The following INHBA variants were observed in gnomAD, a reference collection of about 807,000 sequenced individuals.
The protein encoded by INHBA is inhibin beta A chain.
INHBA carries 1 observed loss-of-function variant against 29.0 expected under a neutral mutation model. The observed-to-expected ratio is 0.03, with a 90% CI of 0.01 to 0.16. The LOEUF is 0.16. Among genes scored for constraint, INHBA ranks in the 10% least tolerant of loss-of-function variants. INHBA has a pLI of 1.00. For synonymous variants in INHBA, 242 were observed against 216.8 expected (o/e 1.12, Z -1.02); for missense variants, 376 against 545.4 (o/e 0.69, Z 3.09).
chr7:41,693,638 A>G (rs1794571077), intron 2 of INHBA, among the ~76,000 whole-genome samples: 1 of 152,170 alleles, frequency 6.6e-6, no homozygotes, highest in Admixed American at 6.5e-5. Flanking sequence ...GATTGTACAA[A>G]GAGAGTACTC....
chr7:41,704,611 AGTGTGTGTGTGTGTGTGTGTGTGTGTGT>A (rs60031309), upstream of INHBA, among the ~76,000 whole-genome samples: 1 of 101,226 alleles, frequency 9.9e-6, no homozygotes, highest in Admixed American at 9.7e-5. Flanking sequence ...CACACAAAGT[AGTGTGTGTGTGTGTGTGTGTGTGTGTGT>A]GTGTGTGTGT....
In INHBA at chr7:41,689,056, A is replaced by C. The variant is rs115124068; in HGVS notation, c.*594T>G. On this transcript the variant is annotated 3_prime_UTR_variant, in exon 3 of 3. Transcript: ENST00000242208. ...AAGGAAGTGTGACCACCTGCACACGATTGTTCTTTTACCAGTATGTGTATA... is the reference window on the plus strand; with the variant it reads ...AAGGAAGTGTGACCACCTGCACACGCTTGTTCTTTTACCAGTATGTGTATA... 591 of 232,176 alleles carry C rather than the reference A, an allele frequency of 2.5e-3. 4 individuals carry two copies. The highest frequency in any genetic ancestry group is 0.011 in the African/African-American group (497 of 44,690). 14.4% of individuals were successfully genotyped at this position (232,176 alleles called of 1,614,324 possible). A position where few individuals can be genotyped will look rare whatever the true frequency, so the allele number is the denominator to read the frequency against.
rs1794454570 is a variant in INHBA, at chr7:41,689,550, T to C, written c.*100A>G. The C allele has an allele frequency of 1.1e-6, 1 of 927,708 alleles. No homozygotes were observed. Among genetic ancestry groups the C allele is most frequent in the East Asian group, 2.9e-5 (1 of 34,004 alleles). 57.5% of individuals were successfully genotyped at this position (927,708 alleles called of 1,614,324 possible). ...TTTTTTTTTTGTTTTGTTTTTAATT[T>C]CTATTTTTCTGGTTAACTCAGAAAC... On this transcript the variant is annotated 3_prime_UTR_variant, in exon 3 of 3. Transcript: ENST00000242208.
intron 2 of INHBA, among the ~76,000 whole-genome samples, chr7:41,697,456 G>A (rs953801027): frequency 6.6e-6 from 1 of 152,080 alleles, no homozygotes; most frequent in African/African-American, 2.4e-5. Context: ...GCTTTTGGAG[G>A]CTCTCTACTT....
At chr7:41,695,051 CT>C (rs1562568144) in intron 2 of INHBA, among the ~76,000 whole-genome samples, 1 of 152,200 alleles carries the variant, frequency 6.6e-6, no homozygotes, top group Non-Finnish European at 1.5e-5. Flanking sequence ...TTCCCTCCCC[CT>C]ACACTAAGAT....
chr7:41,697,787 A>G (rs1040891773), intron 2 of INHBA, among the ~76,000 whole-genome samples: 3 of 152,254 alleles, frequency 2.0e-5, no homozygotes, highest in Non-Finnish European at 4.4e-5. Context: ...CATTTGGATG[A>G]TAAATGTCTT....
chr7:41,694,085 G>T (rs1404414723), intron 2 of INHBA: 1 of 152,186 alleles, frequency 6.6e-6, no homozygotes, highest in Non-Finnish European at 1.5e-5. Context: ...TACCTTATAT[G>T]CAGGTACATT....
At position 41,690,268 on chromosome 7, in the gene INHBA, G is replaced by A. The variant is rs776370904; in HGVS notation, c.663C>T (p.Phe221=). 1 of 1,614,056 alleles carries A rather than the reference G, an allele frequency of 6.2e-7. No homozygotes were observed. The highest frequency in any genetic ancestry group is 1.7e-5 in the Admixed American group (1 of 60,006). Residue 221 remains phenylalanine, a synonymous_variant, in exon 3 of 3, where the codon TTC becomes TTT. Coordinates refer to ENST00000242208, the MANE Select transcript of INHBA (RefSeq NM_002192.4). ...ACCGCTGGATGCTGCTGGAGACAGG[G>A]AAGACATGCCAGGTGCTCTTCCGAG... ...VDARKSTWHV[F]PVSSSIQRLL...
chr7:41,702,991 T>C lies in INHBA; in HGVS notation c.-144+14A>G, dbSNP rs990533873. 1 of 152,134 alleles carries C rather than the reference T, an allele frequency of 6.6e-6. No individual in the cohort carries two copies. The highest frequency in any genetic ancestry group is 1.5e-5 in the Non-Finnish European group (1 of 68,014). The allele number at this position is 152,134 out of a possible 1,614,324, so 9.4% of individuals were successfully genotyped here. Reference sequence around the variant, plus strand: ...TGTGTAAAGAGCTCAGAAGTAAGAGTTAAAAAGCATTACCTTTCTGGTCCC... The same window carrying C: ...TGTGTAAAGAGCTCAGAAGTAAGAGCTAAAAAGCATTACCTTTCTGGTCCC... On this transcript the variant is annotated intron_variant, in intron 1 of 2. Coordinates refer to ENST00000242208, the MANE Select transcript of INHBA (RefSeq NM_002192.4).
chr7:41,701,707 T>C (rs377751104), intron 1 of INHBA, among the ~76,000 whole-genome samples: 9 of 152,176 alleles, frequency 5.9e-5, no homozygotes, highest in African/African-American at 2.2e-4. Context: ...CATCCTTTTA[T>C]AAAAAGAGTG....
upstream of INHBA, among the ~76,000 whole-genome samples, chr7:41,703,851 C>T (rs995630504): frequency 2.0e-5 from 3 of 151,874 alleles, no homozygotes; most frequent in Non-Finnish European, 2.9e-5. Context: ...ACTTCAACTC[C>T]TATAATTTCT....
rs1794477676 is a variant in INHBA, at chr7:41,690,472, T to C, written c.459A>G (p.Ala153=). The C allele has an allele frequency of 2.5e-6, 4 of 1,613,828 alleles. No homozygotes were observed. The highest frequency in any genetic ancestry group is 1.7e-5 in the Admixed American group (1 of 60,004). ...EGSDLSVVER[A]EVWLFLKVPK... Reference sequence around the variant, plus strand: ...GGACTTTTAGGAAGAGCCAGACTTCTGCACGCTCCACCACTGACAGGTCAC... The same window carrying C: ...GGACTTTTAGGAAGAGCCAGACTTCCGCACGCTCCACCACTGACAGGTCAC... The change falls in exon 3 of 3, where the codon GCA becomes GCG. Residue 153 remains alanine (A), a synonymous_variant. Coordinates refer to ENST00000242208, the MANE Select transcript of INHBA (RefSeq NM_002192.4).
chr7:41,687,462 T>C lies in INHBA; in HGVS notation c.*2188A>G, dbSNP rs1168563996. 6.6e-6 allele frequency: 1 copy of C among 152,210 alleles called. No individual in the cohort carries two copies. The highest frequency in any genetic ancestry group is 1.5e-5 in the Non-Finnish European group (1 of 68,028). 9.4% of individuals were successfully genotyped at this position (152,210 alleles called of 1,614,324 possible). A position where few individuals can be genotyped will look rare whatever the true frequency, so the allele number is the denominator to read the frequency against. On this transcript the variant is annotated 3_prime_UTR_variant, in exon 3 of 3. Coordinates refer to ENST00000242208, the MANE Select transcript of INHBA (RefSeq NM_002192.4). ...TTTTCAAAAGCACATACATGAATAA[T>C]TTATTAGCTATTCCAGGCAAGCTAA...
rs111379520 is a variant in INHBA at position 41,690,335 on chromosome 7, C to T, written c.596G>A (p.Gly199Glu). 2 of 1,613,954 alleles carry T rather than the reference C, an allele frequency of 1.2e-6. No homozygotes were observed. Among genetic ancestry groups the T allele is most frequent in the Non-Finnish European group, 1.7e-6 (2 of 1,180,024 alleles). ...AGAGAGCAACAGTTCACTCCTCTCC[C>T]CCTTTAAGCCCACTTCCTCGGCCTC... ...GEEAEEVGLK[G>E]ERSELLLSEK... Residue 199 changes from glycine to glutamate, a missense_variant, in exon 3 of 3, where the codon GGG becomes GAG. Gly to Glu is a moderately conservative substitution (Grantham distance 98). This residue lies in a region of INHBA where 253 missense variants were observed against 313.4 expected (regional missense o/e 0.81). Coordinates refer to ENST00000242208, the MANE Select transcript of INHBA (RefSeq NM_002192.4).
upstream of INHBA, among the ~76,000 whole-genome samples, chr7:41,703,280 G>A (rs1794834768): frequency 6.6e-6 from 1 of 152,112 alleles, no homozygotes; most frequent in Non-Finnish European, 1.5e-5. Context: ...GACACTACTG[G>A]GTGATGCACT....
Position 41,700,046 on chromosome 7 carries a change from C to T in INHBA, c.329G>A (p.Arg110Lys). 10 of 1,608,290 alleles carry T rather than the reference C, an allele frequency of 6.2e-6. No individual in the cohort carries two copies. The highest frequency in any genetic ancestry group is 8.5e-6 in the Non-Finnish European group (10 of 1,176,920). The change falls in exon 2 of 3, where the codon AGG (arginine) becomes AAG (lysine). Residue 110 changes from arginine (R) to lysine (K), a missense_variant. Coordinates refer to ENST00000242208, the MANE Select transcript of INHBA (RefSeq NM_002192.4). Reference protein sequence around the residue: ...YVEIEDDIGRRAEMNELMEQT... With the variant: ...YVEIEDDIGRKAEMNELMEQT... ...CTCCATAAGTTCATTCATTTCTGCC[C>T]TCCTTCCAATGTCATCCTCTATCTC...
intron 2 of INHBA, 43 bp downstream of exon 2, chr7:41,699,941 TCCC>T: frequency 8.4e-6 from 1 of 118,746 alleles, no homozygotes; most frequent in Non-Finnish European, 1.8e-5. Context: ...TATTTTACCC[TCCC>T]ACCCCCCACC....
Position 41,687,994 on chromosome 7 carries a change from A to G in INHBA, c.*1656T>C, listed in dbSNP as rs1029645461. The G allele has an allele frequency of 6.6e-6, 1 of 152,222 alleles. No individual in the cohort carries two copies. The highest frequency in any genetic ancestry group is 2.4e-5 in the African/African-American group (1 of 41,454). The allele number at this position is 152,222 out of a possible 1,614,324, so 9.4% of individuals were successfully genotyped here. ...AGAGGAGGAAATTTGATCCCTGTAC[A>G]ATGAAAGAGGGCCTTGCTGAATATT... is the stretch of plus-strand genomic sequence containing the variant. On this transcript the variant is annotated 3_prime_UTR_variant, in exon 3 of 3. Transcript: ENST00000242208.
Position 41,700,422 on chromosome 7 carries a change from T to C in INHBA, c.-48A>G. 1 of 1,375,838 alleles carries C rather than the reference T, an allele frequency of 7.3e-7. No individual in the cohort carries two copies. The highest frequency in any genetic ancestry group is 9.4e-7 in the Non-Finnish European group (1 of 1,061,206). 85.2% of individuals were successfully genotyped at this position (1,375,838 alleles called of 1,614,324 possible). A position where few individuals can be genotyped will look rare whatever the true frequency, so the allele number is the denominator to read the frequency against. ...ATTGCCTTTTTAAAAGGCCCTGCTT[T>C]TCCTCCCCCCTCACGCGCAGGTTTT... On this transcript the variant is annotated 5_prime_UTR_variant, in exon 2 of 3. Transcript: ENST00000242208.
Sources: allele counts gnomAD v4.1 joint callset (sites outside exome capture counted in the v4.1 genomes callset), GRCh38; gene constraint gnomAD v4.1.1; regional missense constraint gnomAD v4.1.1; transcripts MANE v1.5; gene names NCBI Gene and HGNC (gene_info 2026-07-23, HGNC 2026-07-21).